EXT1: variants seen among roughly 807,000 people sequenced by gnomAD.
The protein encoded by EXT1 is exostosin-1.
EXT1 carries 20 observed loss-of-function variants against 82.5 expected under a neutral mutation model. That is an observed-to-expected ratio of 0.24 (90% confidence interval 0.17 to 0.35). The LOEUF (loss-of-function observed/expected upper bound fraction) is 0.35. EXT1 is among the 10% of genes least tolerant of loss of function. EXT1 has a pLI of 1.00. For synonymous variants in EXT1, 348 were observed against 350.8 expected (o/e 0.99, Z 0.09); for missense variants, 757 against 936.5 (o/e 0.81, Z 2.50).
chr8:117,962,897 G>A (rs558979658), intron 1 of EXT1, among the ~76,000 whole-genome samples: 2 of 152,270 alleles, frequency 1.3e-5, no homozygotes, highest in African/African-American at 4.8e-5. Flanking sequence ...CTGCACTCCA[G>A]CCTAGGTGAC....
intron 1 of EXT1, among the ~76,000 whole-genome samples, chr8:117,919,994 C>T (rs568131691): frequency 3.9e-5 from 6 of 152,024 alleles, no homozygotes; most frequent in East Asian, 1.9e-4. Flanking sequence ...AGCAAGAGCA[C>T]GCCACATCAT....
chr8:117,889,266 A>G (rs1278489747), intron 1 of EXT1, among the ~76,000 whole-genome samples: 1 of 152,262 alleles, frequency 6.6e-6, no homozygotes, highest in Non-Finnish European at 1.5e-5. Flanking sequence ...ATACACTTCT[A>G]TTTTGTTTGA....
At chr8:117,926,995 T>C (rs550526606) in intron 1 of EXT1, among the ~76,000 whole-genome samples, 1 of 152,246 alleles carries the variant, frequency 6.6e-6, no homozygotes, top group East Asian at 1.9e-4. Context: ...GCTGTTTACA[T>C]GTGCAATTTA....
chr8:117,886,533 A>T (rs6989086), intron 1 of EXT1, among the ~76,000 whole-genome samples: 5,867 of 152,320 alleles, frequency 0.039, 376 homozygotes, highest in African/African-American at 0.13. Flanking sequence ...AATAGCTACT[A>T]AAACAAATTG....
intron 8 of EXT1, among the ~76,000 whole-genome samples, 192 bp from the exon 9 acceptor site, chr8:117,807,569 C>T (rs562783095): frequency 6.6e-6 from 1 of 152,190 alleles, no homozygotes; most frequent in East Asian, 1.9e-4. Flanking sequence ...TTAATGTTTT[C>T]TGTTAAAGAA....
intron 1 of EXT1, among the ~76,000 whole-genome samples, chr8:118,032,250 G>A (rs989394749): frequency 2.6e-5 from 4 of 151,578 alleles, no homozygotes; most frequent in Non-Finnish European, 5.9e-5. Context: ...AACAGCAGGA[G>A]CAACTCCCGG....
chr8:117,983,398 T>G (rs1586324414), intron 1 of EXT1, among the ~76,000 whole-genome samples: 1 of 152,218 alleles, frequency 6.6e-6, no homozygotes, highest in East Asian at 1.9e-4. Flanking sequence ...GTGAGAAGAT[T>G]GCTTGAGCCC....
At chr8:118,028,199 T>C (rs1477280666) in intron 1 of EXT1, among the ~76,000 whole-genome samples, 1 of 152,144 alleles carries the variant, frequency 6.6e-6, no homozygotes, top group African/African-American at 2.4e-5. Context: ...CCTGGACGTC[T>C]GCGGCAGCCG....
intron 8 of EXT1, among the ~76,000 whole-genome samples, chr8:117,808,545 C>T (rs1472641778): frequency 6.6e-6 from 1 of 152,192 alleles, no homozygotes; most frequent in East Asian, 1.9e-4. Context: ...CTCTTATACA[C>T]GCTATGATTC....
intron 1 of EXT1, among the ~76,000 whole-genome samples, chr8:117,847,984 T>C (rs1812390418): frequency 6.6e-6 from 1 of 152,210 alleles, no homozygotes; most frequent in Non-Finnish European, 1.5e-5. Flanking sequence ...AGCCTCTGCC[T>C]TGTGACTTTG....
At chr8:117,984,898 G>A (rs1021963338) in intron 1 of EXT1, among the ~76,000 whole-genome samples, 4 of 152,176 alleles carry the variant, frequency 2.6e-5, no homozygotes, top group African/African-American at 9.7e-5. Flanking sequence ...AACCCGAAAA[G>A]CTTGGAACCA....
At chr8:118,006,826 G>A (rs1308732352) in intron 1 of EXT1, among the ~76,000 whole-genome samples, 1 of 152,164 alleles carries the variant, frequency 6.6e-6, no homozygotes, top group Non-Finnish European at 1.5e-5. Context: ...AGGCAAAAAA[G>A]AGAACACTCT....
chr8:118,069,037 T>A (rs1817040184), intron 1 of EXT1, among the ~76,000 whole-genome samples: 2 of 152,122 alleles, frequency 1.3e-5, no homozygotes, highest in Non-Finnish European at 2.9e-5. Flanking sequence ...TAGCATAGTA[T>A]CTGGTTCATA....
chr8:118,046,759 C>G (rs1054839456), intron 1 of EXT1, among the ~76,000 whole-genome samples: 4 of 152,176 alleles, frequency 2.6e-5, no homozygotes, highest in Admixed American at 1.3e-4. Flanking sequence ...TGGTACCCAG[C>G]TGGAACTAAA....
intron 1 of EXT1, among the ~76,000 whole-genome samples, chr8:117,967,079 A>T (rs1236473330): frequency 6.6e-6 from 1 of 152,350 alleles, no homozygotes; most frequent in East Asian, 1.9e-4. Context: ...GATAATTAAC[A>T]CATCTTGGGA....
chr8:117,852,067 T>C (rs1002797852), intron 1 of EXT1, among the ~76,000 whole-genome samples: 12 of 152,348 alleles, frequency 7.9e-5, no homozygotes, highest in African/African-American at 2.4e-4. Context: ...CTTCCAAAAA[T>C]CCTATGAAGT....
chr8:117,882,139 T>C (rs1813072163), intron 1 of EXT1, among the ~76,000 whole-genome samples: 2 of 152,192 alleles, frequency 1.3e-5, no homozygotes, highest in African/African-American at 4.8e-5. Context: ...TGGAGTGCAG[T>C]GGCATGATCT....
chr8:117,951,759 A>G (rs565803234), intron 1 of EXT1, among the ~76,000 whole-genome samples: 3 of 152,304 alleles, frequency 2.0e-5, no homozygotes, highest in East Asian at 3.9e-4. Flanking sequence ...CCATGGCCAA[A>G]TCTGGCCTGC....
chr8:118,070,867 G>A (rs984737754), intron 1 of EXT1, among the ~76,000 whole-genome samples: 5 of 151,934 alleles, frequency 3.3e-5, no homozygotes, highest in Admixed American at 2.6e-4. Context: ...ACTAAAAAGG[G>A]AAAAAAGACT....
Sources: gnomAD v4.1 joint callset for allele counts (sites outside exome capture counted in the v4.1 genomes callset) on GRCh38, gnomAD v4.1.1 for gene constraint, MANE v1.5 for transcripts, NCBI Gene and HGNC (gene_info 2026-07-23, HGNC 2026-07-21) for gene names.